The following CTIF variants were observed in gnomAD, a reference collection of about 807,000 sequenced individuals.
The protein encoded by CTIF is cap binding complex dependent translation initiation factor.
In CTIF, 21 loss-of-function variants were observed where a neutral mutation model predicts 66.0. The observed-to-expected ratio is 0.32, with a 90% CI of 0.23 to 0.46. The LOEUF is 0.46. CTIF is among the 20% of genes least tolerant of loss of function. The pLI is 1.00. For synonymous variants in CTIF, 345 were observed against 326.4 expected (o/e 1.06, Z -0.62); for missense variants, 739 against 812.7 (o/e 0.91, Z 1.10).
At position 48,670,493 on chromosome 18, in the gene CTIF, C is replaced by T. The variant is rs299742; in HGVS notation, c.432-176C>T. On this transcript the variant is annotated intron_variant, in intron 5 of 11. Transcript: ENST00000256413. The stretch of plus-strand genomic sequence containing the variant: ...TGTTGCATTACGGGAGGACCCCCCC[C>T]CCACACACACACAGCTTCTCTAGGG... The T allele has an allele frequency of 1.5e-4, 79 of 543,390 alleles. 1 individual carries two copies. The Admixed American group carries it at 2.2e-3, about 15-fold the overall frequency. 33.7% of individuals were successfully genotyped at this position (543,390 alleles called of 1,614,324 possible).
chr18:48,783,919 T>G (rs1599037207), intron 9 of CTIF, among the ~76,000 whole-genome samples: 1 of 152,010 alleles, frequency 6.6e-6, no homozygotes, highest in East Asian at 1.9e-4. Flanking sequence ...CGTATGCTGT[T>G]ACCCACACGG....
intron 1 of CTIF, among the ~76,000 whole-genome samples, chr18:48,575,169 C>T (rs2089503604): frequency 6.6e-6 from 1 of 152,342 alleles, no homozygotes; most frequent in Admixed American, 6.5e-5. Context: ...CAGGTCAGCA[C>T]GTAGGCCTTG....
At chr18:48,829,127 G>A (rs1270768323) in intron 10 of CTIF, among the ~76,000 whole-genome samples, 4 of 152,198 alleles carry the variant, frequency 2.6e-5, no homozygotes, top group South Asian at 2.1e-4. Flanking sequence ...GACGGGACTG[G>A]GGAGGATAGA....
At chr18:48,571,910 A>G (rs1893450973) in intron 1 of CTIF, among the ~76,000 whole-genome samples, 1 of 152,220 alleles carries the variant, frequency 6.6e-6, no homozygotes, top group Non-Finnish European at 1.5e-5. Context: ...TGAGATCTGT[A>G]GGGCAGGCTG....
At chr18:48,772,925 G>C (rs898628421) in intron 9 of CTIF, among the ~76,000 whole-genome samples, 1 of 152,218 alleles carries the variant, frequency 6.6e-6, no homozygotes, top group Admixed American at 6.5e-5. Flanking sequence ...TTTCCAGGAA[G>C]GGTGTTTTTG....
chr18:48,729,053 A>G (rs1332068233), intron 7 of CTIF, among the ~76,000 whole-genome samples: 2 of 152,130 alleles, frequency 1.3e-5, no homozygotes, highest in Non-Finnish European at 2.9e-5. Flanking sequence ...AAACCTCTCT[A>G]CAAATGCCCT....
At chr18:48,644,508 T>C (rs1023943) in intron 3 of CTIF, among the ~76,000 whole-genome samples, 90,560 of 152,116 alleles carry the variant, frequency 0.6, 30,408 homozygotes, top group East Asian at 0.94. Context: ...TGTCTGTCTT[T>C]CAGAAAATGC....
At chr18:48,771,693 C>A (rs888540315) in intron 9 of CTIF, among the ~76,000 whole-genome samples, 2 of 152,182 alleles carry the variant, frequency 1.3e-5, no homozygotes, top group Non-Finnish European at 2.9e-5. Context: ...GTGTCCCAGG[C>A]CCCAGAGGGT....
intron 3 of CTIF, among the ~76,000 whole-genome samples, chr18:48,661,403 T>TC (rs1555666753): frequency 2.0e-5 from 3 of 151,752 alleles, no homozygotes; most frequent in Admixed American, 2.0e-4. Context: ...GATTTTTTTT[T>TC]ATCTTTGCTT....
intron 1 of CTIF, among the ~76,000 whole-genome samples, chr18:48,552,763 G>T (rs1449332737): frequency 6.6e-6 from 1 of 152,208 alleles, no homozygotes; most frequent in African/African-American, 2.4e-5. Context: ...CAGCTAAGAA[G>T]TGGCATAACC....
chr18:48,654,377 T>C (rs2091208995), intron 3 of CTIF, among the ~76,000 whole-genome samples: 1 of 152,222 alleles, frequency 6.6e-6, no homozygotes, highest in African/African-American at 2.4e-5. Flanking sequence ...GAAAAAATGC[T>C]CATCATCACT....
chr18:48,589,660 G>T (rs749130662), intron 1 of CTIF, among the ~76,000 whole-genome samples: 1 of 152,202 alleles, frequency 6.6e-6, no homozygotes, highest in Non-Finnish European at 1.5e-5. Flanking sequence ...GGTTCACCTT[G>T]TGGGTGGATT....
At chr18:48,655,086 G>T (rs1337929380) in intron 3 of CTIF, among the ~76,000 whole-genome samples, 3 of 151,614 alleles carry the variant, frequency 2.0e-5, no homozygotes, top group Non-Finnish European at 4.4e-5. Context: ...ACAAACCTGC[G>T]CATTGTGCAC....
chr18:48,728,739 T>TGAGAGAGAGAGGGGGAGAGAGA (rs1555680978), intron 7 of CTIF, among the ~76,000 whole-genome samples: 1 of 139,204 alleles, frequency 7.2e-6, no homozygotes, highest in Admixed American at 7.3e-5. Context: ...AGGGGGAGAG[T>TGAGAGAGAGAGGGGGAGAGAGA]GAGAGAGAGA....
At chr18:48,583,743 T>C (rs1830632287) in intron 1 of CTIF, among the ~76,000 whole-genome samples, 2 of 152,094 alleles carry the variant, frequency 1.3e-5, no homozygotes, top group Admixed American at 6.6e-5. Flanking sequence ...CAGTGGGAAG[T>C]TGAGCAGGTG....
intron 1 of CTIF, among the ~76,000 whole-genome samples, chr18:48,559,455 A>G (rs926307093): frequency 2.6e-5 from 4 of 152,336 alleles, no homozygotes; most frequent in African/African-American, 9.6e-5. Flanking sequence ...TTAAGAGCCT[A>G]GTTTTAGGTA....
At chr18:48,637,934 C>T (rs1430788115) in intron 3 of CTIF, among the ~76,000 whole-genome samples, 1 of 152,072 alleles carries the variant, frequency 6.6e-6, no homozygotes, top group African/African-American at 2.4e-5. Flanking sequence ...TCTGAGGGTC[C>T]TTCTAACATC....
intron 1 of CTIF, among the ~76,000 whole-genome samples, chr18:48,591,886 T>TG (rs1020459031): frequency 1.7e-4 from 26 of 152,366 alleles, no homozygotes; most frequent in Admixed American, 4.6e-4. Context: ...CAGCTGGTAC[T>TG]GCAGGCATGC....
chr18:48,806,595 A>G (rs2068152657), intron 9 of CTIF, among the ~76,000 whole-genome samples: 1 of 152,164 alleles, frequency 6.6e-6, no homozygotes, highest in African/African-American at 2.4e-5. Flanking sequence ...TGTAAAAAAT[A>G]TATGCATCAT....
Sources: gnomAD v4.1 joint callset for allele counts (sites outside exome capture counted in the v4.1 genomes callset) on GRCh38, gnomAD v4.1.1 for gene constraint, MANE v1.5 for transcripts, NCBI Gene and HGNC (gene_info 2026-07-23, HGNC 2026-07-21) for gene names.